Variants in PPAT observed in about 807,000 individuals in gnomAD.
PPAT encodes phosphoribosyl pyrophosphate amidotransferase.
Under a neutral mutation model 60.2 loss-of-function variants are expected in PPAT, and 20 were observed. The observed-to-expected ratio is 0.33, with a 90% CI of 0.23 to 0.48. The LOEUF is 0.48. PPAT is among the 20% of genes least tolerant of loss of function. The pLI, the probability that PPAT is intolerant of heterozygous loss-of-function variation, is 0.99. For synonymous variants in PPAT, 194 were observed against 215.1 expected, an observed-to-expected ratio of 0.90 and a Z score of 0.86; for missense variants, 349 against 629.6, an observed-to-expected ratio of 0.55 and a Z score of 4.77.
intron 1 of PPAT, among the ~76,000 whole-genome samples, chr4:56,427,773 C>T (rs2110065769): frequency 6.6e-6 from 1 of 152,132 alleles, no homozygotes; most frequent in East Asian, 1.9e-4. Flanking sequence ...CCCCCTGCTG[C>T]ACATCATCAC....
chr4:56,421,618 G>C (rs1179860301), intron 1 of PPAT: 1 of 152,224 alleles, frequency 6.6e-6, no homozygotes, highest in Non-Finnish European at 1.5e-5. Context: ...AAGACAGTCT[G>C]CGTCTAGGGA....
intron 1 of PPAT, among the ~76,000 whole-genome samples, chr4:56,428,632 C>CA (rs1254701091): frequency 2.4e-4 from 36 of 151,850 alleles, no homozygotes; most frequent in Admixed American, 1.8e-3. Context: ...TTGACATTAA[C>CA]AAAAAAAATT....
intron 1 of PPAT, among the ~76,000 whole-genome samples, chr4:56,414,981 A>T (rs1373595330): frequency 6.6e-6 from 1 of 152,230 alleles, no homozygotes; most frequent in Non-Finnish European, 1.5e-5. Flanking sequence ...GAAAGCAGTG[A>T]TGTGCTTTTG....
chr4:56,399,532 G>A lies in PPAT; in HGVS notation c.1015-132C>T, dbSNP rs567426417. 66 of 735,000 alleles carry A rather than the reference G, an allele frequency of 9.0e-5. No individual in the cohort carries two copies. In the East Asian group the frequency reaches 1.5e-3, roughly 16 times the overall value. 45.5% of individuals were successfully genotyped at this position (735,000 alleles called of 1,614,324 possible). A position where few individuals can be genotyped will look rare whatever the true frequency, so the allele number is the denominator to read the frequency against. ...ATTTTCCTTTATTATTTGGAAAAAA[G>A]GCAAAAAGAAAAACCACTAAACAAA... On this transcript the variant is annotated intron_variant, in intron 8 of 10. Coordinates refer to ENST00000264220, the MANE Select transcript of PPAT (RefSeq NM_002703.5).
At chr4:56,407,358 G>C (rs548703238) in intron 2 of PPAT, among the ~76,000 whole-genome samples, 1 of 144,768 alleles carries the variant, frequency 6.9e-6, no homozygotes, top group Non-Finnish European at 1.5e-5. Context: ...CACTCTTGTT[G>C]CCCAGGCTGG....
chr4:56,426,452 A>C (rs933233744), intron 1 of PPAT, among the ~76,000 whole-genome samples: 1 of 151,944 alleles, frequency 6.6e-6, no homozygotes, highest in Non-Finnish European at 1.5e-5. Context: ...TAACTGCTTG[A>C]CCACACCTCT....
chr4:56,405,524 C>T (rs1716222717), intron 3 of PPAT, among the ~76,000 whole-genome samples: 1 of 152,136 alleles, frequency 6.6e-6, no homozygotes, highest in Non-Finnish European at 1.5e-5. Flanking sequence ...CCCTGGACCC[C>T]CAGGGAAGGG....
At chr4:56,405,428 C>T (rs979027843) in intron 3 of PPAT, among the ~76,000 whole-genome samples, 11 of 152,168 alleles carry the variant, frequency 7.2e-5, no homozygotes, top group African/African-American at 2.4e-4. Flanking sequence ...GTTGAGATGA[C>T]TGGTAGCTAG....
At chr4:56,418,325 TTTATC>T (rs1459098725) in intron 1 of PPAT, among the ~76,000 whole-genome samples, 1 of 152,018 alleles carries the variant, frequency 6.6e-6, no homozygotes, top group Non-Finnish European at 1.5e-5. Context: ...TTTATTTTAT[TTTATC>T]TTATTTTGAG....
intron 5 of PPAT, among the ~76,000 whole-genome samples, chr4:56,402,755 G>A (rs1360638465): frequency 1.4e-5 from 2 of 143,724 alleles, no homozygotes; most frequent in African/African-American, 5.2e-5. Context: ...GGTGGAGGTT[G>A]CAGTGAGCTG....
At chr4:56,409,080 A>G (rs989243555) in intron 1 of PPAT, among the ~76,000 whole-genome samples, 3 of 152,182 alleles carry the variant, frequency 2.0e-5, no homozygotes, top group African/African-American at 7.2e-5. Context: ...TCTCTAAATT[A>G]GATTCTGATC....
chr4:56,423,781 T>G (rs1717157546), intron 1 of PPAT, among the ~76,000 whole-genome samples: 1 of 151,976 alleles, frequency 6.6e-6, no homozygotes, highest in Non-Finnish European at 1.5e-5. Flanking sequence ...AACTGTCACA[T>G]GAAAATTCAA....
rs1243769281 is a variant in PPAT, at chr4:56,406,594, T to C, written c.303A>G (p.Glu101=). Residue 101 remains glutamate (E), a synonymous_variant, in exon 3 of 11, where the codon GAA becomes GAG. Transcript: ENST00000264220. ...HTRYATTGKC[E]LENCQPFVVE... is the part of the protein sequence containing the mutation. ...CAACGAAGGGCTGACAATTTTCTAG[T>C]TCACATTTTCCTGTGGTGGCATACC... The C allele has an allele frequency of 3.1e-6, 5 of 1,613,740 alleles. No homozygotes were observed. Among genetic ancestry groups the C allele is most frequent in the Middle Eastern group, 1.7e-4 (1 of 5,980 alleles).
intron 1 of PPAT, among the ~76,000 whole-genome samples, chr4:56,427,585 T>C (rs1560650122): frequency 6.6e-6 from 1 of 150,886 alleles, no homozygotes; most frequent in Admixed American, 6.6e-5. Context: ...GGCAGGAGGA[T>C]CGCTTGAGCT....
intron 1 of PPAT, among the ~76,000 whole-genome samples, chr4:56,408,753 CAAAAAAA>C (rs35367469): frequency 9.1e-4 from 121 of 132,944 alleles, no homozygotes; most frequent in African/African-American, 3.3e-3. Context: ...GATTCCGTTT[CAAAAAAA>C]AAAAAAAAAA....
At chr4:56,430,226 C>T (rs778096768) in intron 1 of PPAT, among the ~76,000 whole-genome samples, 1 of 152,158 alleles carries the variant, frequency 6.6e-6, no homozygotes, top group Non-Finnish European at 1.5e-5. Context: ...CATATGTATG[C>T]ATTTCTGTTG....
intron 1 of PPAT, chr4:56,421,727 T>C (rs1003163088): frequency 6.6e-6 from 1 of 152,162 alleles, no homozygotes; most frequent in African/African-American, 2.4e-5. Flanking sequence ...GCTAGAGAAC[T>C]ATACATCTCC....
chr4:56,395,687 AAG>A (rs1491055873), intron 10 of PPAT, 139 bp from the exon 11 acceptor site: 16 of 568,222 alleles, frequency 2.8e-5, no homozygotes, highest in East Asian at 4.1e-5. Flanking sequence ...AAAAAAAAAA[AAG>A]GAAAAAAAAT....
At chr4:56,403,991 T>G (rs1560638792) in intron 3 of PPAT, 1 of 435,852 alleles carries the variant, frequency 2.3e-6, no homozygotes, top group Non-Finnish European at 4.6e-6. Flanking sequence ...ACTCACCTCC[T>G]GCTGTGTGGC....
Sources: allele counts gnomAD v4.1 joint callset (sites outside exome capture counted in the v4.1 genomes callset), GRCh38; gene constraint gnomAD v4.1.1; transcripts MANE v1.5; gene names NCBI Gene and HGNC (gene_info 2026-07-23, HGNC 2026-07-21).